IFTAP: variants seen among roughly 807,000 people sequenced by gnomAD.
IFTAP encodes intraflagellar transport-associated protein.
IFTAP carries 19 observed loss-of-function variants against 19.4 expected under a neutral mutation model. That is an observed-to-expected ratio of 0.98 (90% CI 0.68 to 1.44). The LOEUF (loss-of-function observed/expected upper bound fraction) is 1.44. IFTAP is among the 40% of genes most tolerant of loss of function. The pLI is 0.00. For missense variants in IFTAP, 240 were observed against 253.6 expected (o/e 0.95, Z 0.36); for synonymous variants, 85 against 83.5 (o/e 1.02, Z -0.10).
intron 2 of IFTAP, among the ~76,000 whole-genome samples, chr11:36,623,429 T>C (rs1431931702): frequency 6.6e-6 from 1 of 151,282 alleles, no homozygotes; most frequent in African/African-American, 2.4e-5. Flanking sequence ...GTCACCATTG[T>C]ATATTATTTA....
chr11:36,623,607 TCATA>T (rs1308631317), intron 2 of IFTAP, among the ~76,000 whole-genome samples: 1 of 152,144 alleles, frequency 6.6e-6, no homozygotes, highest in Admixed American at 6.6e-5. Flanking sequence ...AGTGCATGTG[TCATA>T]GGTCAAAGCT....
At chr11:36,616,967 A>G (rs1045004436) in intron 2 of IFTAP, among the ~76,000 whole-genome samples, 1 of 151,812 alleles carries the variant, frequency 6.6e-6, no homozygotes, top group African/African-American at 2.4e-5. Flanking sequence ...TGTAAACTTT[A>G]TGAAATCTAA....
chr11:36,608,394 C>T (rs1360234625), intron 1 of IFTAP, among the ~76,000 whole-genome samples: 1 of 152,144 alleles, frequency 6.6e-6, no homozygotes, highest in Non-Finnish European at 1.5e-5. Context: ...TAGAAGGAAG[C>T]TTGGTGCTCT....
chr11:36,645,957 A>C (rs1038912310), intron 4 of IFTAP, among the ~76,000 whole-genome samples: 1 of 152,192 alleles, frequency 6.6e-6, no homozygotes, highest in African/African-American at 2.4e-5. Flanking sequence ...ATAAGGTGCT[A>C]TGTTAGGCAC....
At chr11:36,605,508 A>G (rs948840405) in intron 1 of IFTAP, among the ~76,000 whole-genome samples, 3 of 152,188 alleles carry the variant, frequency 2.0e-5, no homozygotes, top group Middle Eastern at 3.2e-3. Context: ...TTTCATAATA[A>G]TGTTCTTTCA....
chr11:36,629,094 G>A (rs1449216660), intron 2 of IFTAP, among the ~76,000 whole-genome samples: 3 of 151,312 alleles, frequency 2.0e-5, no homozygotes, highest in Non-Finnish European at 2.9e-5. Flanking sequence ...AACGACTATC[G>A]CTCCAGGGGA....
intron 1 of IFTAP, among the ~76,000 whole-genome samples, chr11:36,608,483 C>T (rs1046531380): frequency 6.6e-6 from 1 of 152,184 alleles, no homozygotes; most frequent in Non-Finnish European, 1.5e-5. Context: ...GCAGTAATTA[C>T]ATGTCTGCTT....
At chr11:36,630,192 C>T (rs1482512635) in intron 2 of IFTAP, among the ~76,000 whole-genome samples, 3 of 151,390 alleles carry the variant, frequency 2.0e-5, no homozygotes, top group South Asian at 4.1e-4. Context: ...GCCATTTTGA[C>T]ATTATCATAT....
intron 2 of IFTAP, among the ~76,000 whole-genome samples, chr11:36,615,023 G>T (rs1392250450): frequency 7.2e-6 from 1 of 138,254 alleles, no homozygotes; most frequent in Non-Finnish European, 1.6e-5. Flanking sequence ...GTAATGCCTA[G>T]GTTTTCTTCT....
intron 4 of IFTAP, among the ~76,000 whole-genome samples, chr11:36,639,215 C>T (rs1853091910): frequency 6.6e-6 from 1 of 150,814 alleles, no homozygotes; most frequent in African/African-American, 2.4e-5. Flanking sequence ...GGGCCCAGCC[C>T]AACCTCTTTT....
rs927664867 is a variant in IFTAP, at chr11:36,610,240, G to C, written c.136+1G>C. The C allele has an allele frequency of 2.5e-6, 4 of 1,598,554 alleles. No individual in the cohort carries two copies. In the Admixed American group the frequency reaches 5.2e-5, roughly 21 times the overall value. On this transcript the variant is annotated splice_donor_variant, in intron 2 of 5. Transcript: ENST00000334307. LOFTEE classifies it high-confidence loss of function. ...AACACTTTTACTCATCTTTCACAAG[G>C]TAAAATGGAGAAGTAAACTTTCTGC...
intron 4 of IFTAP, among the ~76,000 whole-genome samples, chr11:36,637,548 G>A (rs1232166698): frequency 6.6e-6 from 1 of 152,004 alleles, no homozygotes; most frequent in Non-Finnish European, 1.5e-5. Context: ...TGGGTGATTT[G>A]GGGGAGGGAA....
At chr11:36,636,168 C>T (rs543426137) in intron 4 of IFTAP, 51 bp downstream of exon 4, 4 of 1,383,330 alleles carry the variant, frequency 2.9e-6, no homozygotes, top group South Asian at 2.4e-5. Context: ...CTAGAAACTA[C>T]AAATAAGGCT....
chr11:36,651,764 T>C (rs900125059), intron 5 of IFTAP, among the ~76,000 whole-genome samples: 2 of 152,242 alleles, frequency 1.3e-5, no homozygotes, highest in African/African-American at 4.8e-5. Flanking sequence ...TTCAGCTTTC[T>C]ACATATGGCT....
At chr11:36,651,585 G>C (rs200247247) in intron 5 of IFTAP, among the ~76,000 whole-genome samples, 29 of 152,064 alleles carry the variant, frequency 1.9e-4, no homozygotes, top group Non-Finnish European at 4.1e-4. Context: ...TTTTGGCTTT[G>C]GTTGCCATTG....
chr11:36,651,861 G>T (rs1380983936), intron 5 of IFTAP, among the ~76,000 whole-genome samples: 2 of 152,190 alleles, frequency 1.3e-5, no homozygotes, highest in African/African-American at 2.4e-5. Context: ...TGAGATGGTT[G>T]TAGATGTGTG....
chr11:36,622,061 T>G (rs111968380), intron 2 of IFTAP, among the ~76,000 whole-genome samples: 493 of 151,678 alleles, frequency 3.3e-3, no homozygotes, highest in African/African-American at 0.011. Context: ...TTCCTTCTTA[T>G]TTTACTTTAA....
chr11:36,623,402 T>C (rs1852383852), intron 2 of IFTAP, among the ~76,000 whole-genome samples: 1 of 151,364 alleles, frequency 6.6e-6, no homozygotes, highest in Non-Finnish European at 1.5e-5. Context: ...ACTTTAAATA[T>C]GACATTTTTG....
chr11:36,629,190 G>C (rs1370198942), intron 2 of IFTAP, among the ~76,000 whole-genome samples: 1 of 151,278 alleles, frequency 6.6e-6, no homozygotes, highest in Non-Finnish European at 1.5e-5. Flanking sequence ...TTATTGTCCA[G>C]AGAAACATTG....
Sources: gnomAD v4.1 joint callset for allele counts (sites outside exome capture counted in the v4.1 genomes callset) on GRCh38, gnomAD v4.1.1 for gene constraint, MANE v1.5 for transcripts, NCBI Gene and HGNC (gene_info 2026-07-23, HGNC 2026-07-21) for gene names.